Variants in CAMK2D observed in about 807,000 individuals in gnomAD.
The protein encoded by CAMK2D is calcium/calmodulin-dependent protein kinase type II subunit delta.
In CAMK2D, 37 loss-of-function variants were observed where a neutral mutation model predicts 84.0. The ratio of observed to expected loss-of-function variants is 0.44; its 90% confidence interval spans 0.34 to 0.58. The LOEUF (loss-of-function observed/expected upper bound fraction) is 0.58, where lower values mean the gene tolerates loss of function less well. CAMK2D is among the 20% of genes least tolerant of loss of function. CAMK2D has a pLI of 0.02. For missense variants in CAMK2D, 448 were observed against 652.5 expected (o/e 0.69, Z 3.41); for synonymous variants, 202 against 212.5 (o/e 0.95, Z 0.43).
chr4:113,691,286 A>G (rs1025747140), intron 2 of CAMK2D, among the ~76,000 whole-genome samples: 3 of 152,232 alleles, frequency 2.0e-5, no homozygotes, highest in African/African-American at 7.2e-5. Context: ...TGCTCTACCA[A>G]TAGTTCAGAA....
intron 4 of CAMK2D, among the ~76,000 whole-genome samples, chr4:113,602,092 T>C (rs1055040622): frequency 1.4e-5 from 2 of 146,322 alleles, no homozygotes; most frequent in East Asian, 2.0e-4. Flanking sequence ...ATTTTAGTTC[T>C]TTTTTTTTTT....
chr4:113,657,732 C>T (rs953375814), intron 3 of CAMK2D, among the ~76,000 whole-genome samples: 1 of 152,062 alleles, frequency 6.6e-6, no homozygotes, highest in Non-Finnish European at 1.5e-5. Context: ...TTGGAAGAAA[C>T]CTTTTGCTTG....
At chr4:113,747,950 A>G (rs2099608358) in intron 2 of CAMK2D, among the ~76,000 whole-genome samples, 1 of 152,114 alleles carries the variant, frequency 6.6e-6, no homozygotes, top group Non-Finnish European at 1.5e-5. Flanking sequence ...TCTCAAGTTC[A>G]GTCTTTATTG....
intron 2 of CAMK2D, among the ~76,000 whole-genome samples, chr4:113,709,751 A>ATATATATATATAC (rs2099484001): frequency 1.1e-5 from 1 of 90,384 alleles, no homozygotes; most frequent in African/African-American, 5.0e-5. Context: ...TGAACGATAT[A>ATATATATATATAC]TATATATATA....
At chr4:113,462,119 C>A (rs1227054299) in intron 17 of CAMK2D, among the ~76,000 whole-genome samples, 1 of 152,132 alleles carries the variant, frequency 6.6e-6, no homozygotes, top group Non-Finnish European at 1.5e-5. Context: ...GGGGCTATTA[C>A]TTCCTCTATA....
intron 4 of CAMK2D, among the ~76,000 whole-genome samples, chr4:113,570,995 G>T (rs893666911): frequency 2.6e-5 from 4 of 152,102 alleles, no homozygotes; most frequent in Non-Finnish European, 5.9e-5. Flanking sequence ...GACCTGAATA[G>T]ACATTTGTCA....
intron 3 of CAMK2D, among the ~76,000 whole-genome samples, chr4:113,657,589 T>C (rs953474641): frequency 1.3e-5 from 2 of 152,214 alleles, no homozygotes; most frequent in African/African-American, 4.8e-5. Context: ...AGGTTTCTTC[T>C]TTATACAATG....
chr4:113,524,082 A>G (rs1323434902), intron 8 of CAMK2D, among the ~76,000 whole-genome samples: 2 of 151,990 alleles, frequency 1.3e-5, no homozygotes, highest in Non-Finnish European at 2.9e-5. Flanking sequence ...ATGTTACCTA[A>G]GCTGGTCTCA....
chr4:113,572,111 A>G (rs2098756775), intron 4 of CAMK2D, among the ~76,000 whole-genome samples: 3 of 152,160 alleles, frequency 2.0e-5, no homozygotes, highest in Admixed American at 2.0e-4. Context: ...TTGTTATTTT[A>G]AAAGAATAGG....
intron 3 of CAMK2D, among the ~76,000 whole-genome samples, chr4:113,639,176 A>G (rs548447599): frequency 1.3e-4 from 20 of 151,888 alleles, no homozygotes; most frequent in African/African-American, 4.6e-4. Context: ...CATGAATTTG[A>G]GGCTACACTG....
At chr4:113,461,865 AAGTGC>A (rs1193478401) in intron 17 of CAMK2D, among the ~76,000 whole-genome samples, 1 of 152,200 alleles carries the variant, frequency 6.6e-6, no homozygotes, top group African/African-American at 2.4e-5. Flanking sequence ...TAGTTCCTCA[AAGTGC>A]AGTACTGTTT....
At chr4:113,629,433 A>G (rs896612298) in intron 3 of CAMK2D, among the ~76,000 whole-genome samples, 3 of 152,150 alleles carry the variant, frequency 2.0e-5, no homozygotes, top group African/African-American at 7.2e-5. Flanking sequence ...ATAAGAAATA[A>G]CTTTCAGTAA....
At position 113,550,612 on chromosome 4, in the gene CAMK2D, C is replaced by T. The variant is rs183188790; in HGVS notation, c.341+1419G>A. On this transcript the variant is annotated intron_variant, in intron 5 of 20. Coordinates refer to ENST00000511664, the MANE Select transcript of CAMK2D (RefSeq NM_001321571.2). ...TAATTTCAACCAGTATTTTTCAAACCAAGTAACAGCCTGCTTAACATAACT... is the reference window on the plus strand; with the variant it reads ...TAATTTCAACCAGTATTTTTCAAACTAAGTAACAGCCTGCTTAACATAACT... Among the ~76,000 whole-genome samples the T allele has an allele frequency of 9.3e-4, 141 of 152,238 alleles. 2 individuals are homozygous for T. Among genetic ancestry groups the T allele is most frequent in the African/African-American group, 3.0e-3 (126 of 41,538 alleles).
chr4:113,702,182 G>C (rs1010845699), intron 2 of CAMK2D, among the ~76,000 whole-genome samples: 1 of 152,120 alleles, frequency 6.6e-6, no homozygotes, highest in South Asian at 2.1e-4. Context: ...ACATTACTAA[G>C]AGGTTACTTT....
chr4:113,495,427 C>T lies in CAMK2D; in HGVS notation c.1135+5036G>A, dbSNP rs186240635. On this transcript the variant is annotated intron_variant, in intron 16 of 20. Coordinates refer to ENST00000511664, the MANE Select transcript of CAMK2D (RefSeq NM_001321571.2). ...AAGAAGATCAGTACCATGAGATCAT[C>T]TGCCTTAGGAAATCCCACACAGAAA... Among the ~76,000 whole-genome samples the T allele has an allele frequency of 1.0e-3, 158 of 152,264 alleles. 1 individual carries two copies. The highest frequency in any genetic ancestry group is 3.4e-3 in the African/African-American group (143 of 41,532).
chr4:113,532,549 G>A (rs1015077128), intron 7 of CAMK2D, among the ~76,000 whole-genome samples: 10 of 152,084 alleles, frequency 6.6e-5, no homozygotes, highest in Non-Finnish European at 5.9e-5. Context: ...GAATTCCAAG[G>A]TAGAGATGGA....
At chr4:113,590,512 C>T (rs2098866045) in intron 4 of CAMK2D, among the ~76,000 whole-genome samples, 1 of 152,180 alleles carries the variant, frequency 6.6e-6, no homozygotes, top group East Asian at 1.9e-4. Context: ...TAGTCAATTT[C>T]CTATGCATAA....
At chr4:113,461,803 A>G (rs1381678584) in intron 17 of CAMK2D, among the ~76,000 whole-genome samples, 1 of 152,232 alleles carries the variant, frequency 6.6e-6, no homozygotes, top group Admixed American at 6.5e-5. Context: ...AGGGGGAGCA[A>G]AATTTTTTAA....
At chr4:113,676,049 T>C (rs748694324) in intron 2 of CAMK2D, among the ~76,000 whole-genome samples, 1 of 152,218 alleles carries the variant, frequency 6.6e-6, no homozygotes, top group African/African-American at 2.4e-5. Context: ...ATCTCTATCA[T>C]ACAAACCATT....
Sources: gnomAD v4.1 joint callset for allele counts (sites outside exome capture counted in the v4.1 genomes callset) on GRCh38, gnomAD v4.1.1 for gene constraint, MANE v1.5 for transcripts, NCBI Gene and HGNC (gene_info 2026-07-23, HGNC 2026-07-21) for gene names.